Variants in ZNF536 observed in about 807,000 individuals in gnomAD.
ZNF536 encodes zinc finger protein 536.
Under a neutral mutation model 84.5 loss-of-function variants are expected in ZNF536, and 13 were observed. That is an observed-to-expected ratio of 0.15 (90% CI 0.10 to 0.24). The LOEUF (loss-of-function observed/expected upper bound fraction) is 0.24. Among genes scored for constraint, ZNF536 ranks in the 10% least tolerant of loss-of-function variants. The pLI is 1.00. For missense variants in ZNF536, 1,536 were observed against 1,747.5 expected (o/e 0.88, Z 2.16); for synonymous variants, 811 against 742.5 (o/e 1.09, Z -1.50).
chr19:30,675,836 C>T (rs1387758924), intron 1 of ZNF536, among the ~76,000 whole-genome samples: 2 of 152,140 alleles, frequency 1.3e-5, no homozygotes, highest in Non-Finnish European at 2.9e-5. Context: ...AGAGTGAGGT[C>T]TCATGGAAAT....
At chr19:30,287,968 C>A (rs947795748) in intron 2 of ZNF536, among the ~76,000 whole-genome samples, 14 of 152,138 alleles carry the variant, frequency 9.2e-5, no homozygotes, top group African/African-American at 1.9e-4. Flanking sequence ...TTTTTTGAAA[C>A]CTTTATTTTC....
intron 1 of ZNF536, among the ~76,000 whole-genome samples, chr19:30,405,749 T>C (rs2050237067): frequency 6.6e-6 from 1 of 151,956 alleles, no homozygotes; most frequent in Non-Finnish European, 1.5e-5. Flanking sequence ...CTGAAGAATG[T>C]GGAGGCCCTT....
chr19:30,429,726 C>T (rs570974619), intron 1 of ZNF536, among the ~76,000 whole-genome samples: 9 of 152,132 alleles, frequency 5.9e-5, no homozygotes, highest in East Asian at 3.9e-4. Context: ...AGCCAGGCAC[C>T]GTGCCTGGTG....
intron 1 of ZNF536, among the ~76,000 whole-genome samples, chr19:30,698,689 C>G (rs1216615772): frequency 1.3e-5 from 2 of 152,158 alleles, no homozygotes; most frequent in Non-Finnish European, 2.9e-5. Context: ...CCATTCTCAT[C>G]ATATCAAGTC....
intron 2 of ZNF536, among the ~76,000 whole-genome samples, chr19:30,509,944 A>T (rs1164544215): frequency 6.6e-6 from 1 of 152,206 alleles, no homozygotes; most frequent in Non-Finnish European, 1.5e-5. Flanking sequence ...AGGAGCCGAG[A>T]TCTTGTTTTA....
chr19:30,620,035 T>C (rs1307946420), intron 1 of ZNF536, among the ~76,000 whole-genome samples: 1 of 151,842 alleles, frequency 6.6e-6, no homozygotes, highest in Non-Finnish European at 1.5e-5. Context: ...TATGCTTTTT[T>C]TTTTTTTTGT....
In ZNF536 at chr19:30,444,325, G is replaced by C. The variant is rs763600734; in HGVS notation, c.763G>C (p.Val255Leu). The C allele has an allele frequency of 1.9e-6, 3 of 1,590,666 alleles. No homozygotes were observed. The highest frequency in any genetic ancestry group is 1.1e-5 in the South Asian group (1 of 89,864). ...CAGCGTTCCCGACGTGGCCCACCCG[G>C]TGCCCTCGCCCAAGCCTGCCAGCGT... ...NHSVPDVAHP[V>L]PSPKPASVQE... Residue 255 changes from valine (V) to leucine (L), a missense_variant, in exon 2 of 5, where the codon GTG (valine) becomes CTG (leucine). Coordinates refer to ENST00000355537, the MANE Select transcript of ZNF536 (RefSeq NM_014717.3).
intron 1 of ZNF536, among the ~76,000 whole-genome samples, chr19:30,692,831 C>T (rs1037747083): frequency 6.6e-6 from 1 of 152,196 alleles, no homozygotes; most frequent in South Asian, 2.1e-4. Context: ...CCCTTCTGCT[C>T]CCTGTGGCAT....
Position 30,549,175 on chromosome 19 carries a change from G to A in ZNF536, c.3556G>A (p.Glu1186Lys), listed in dbSNP as rs543048949. ...ENNDEEDVET[E>K]PEMMTKPLSA... ...CAACGATGAAGAGGATGTTGAAACC[G>A]AACCGGAAATGATGACCAAGCCACT... Residue 1186 changes from glutamate (E) to lysine (K), a missense_variant, in exon 4 of 5, where the codon GAA (glutamate) becomes AAA (lysine). Glu to Lys is a moderately conservative substitution (Grantham distance 56, BLOSUM62 1). This residue lies in a region of ZNF536 where 624 missense variants were observed against 603.1 expected (regional missense o/e 1.03). Coordinates refer to ENST00000355537, the MANE Select transcript of ZNF536 (RefSeq NM_014717.3). The A allele has an allele frequency of 1.2e-5, 19 of 1,613,946 alleles. No individual in the cohort carries two copies. Among genetic ancestry groups the A allele is most frequent in the Middle Eastern group, 1.6e-4 (1 of 6,062 alleles).
At chr19:30,677,447 C>A (rs1299715624) in intron 1 of ZNF536, among the ~76,000 whole-genome samples, 1 of 152,240 alleles carries the variant, frequency 6.6e-6, no homozygotes, top group Non-Finnish European at 1.5e-5. Context: ...GCCCTGGCCA[C>A]CCTTGGCCAT....
chr19:30,291,460 A>T (rs1170569195), intron 2 of ZNF536, among the ~76,000 whole-genome samples: 1 of 151,810 alleles, frequency 6.6e-6, no homozygotes, highest in Non-Finnish European at 1.5e-5. Flanking sequence ...TTTTTTTCAT[A>T]TGTTTGTTGT....
At chr19:30,522,727 T>C (rs1391691705) in intron 2 of ZNF536, among the ~76,000 whole-genome samples, 1 of 152,180 alleles carries the variant, frequency 6.6e-6, no homozygotes, top group African/African-American at 2.4e-5. Context: ...TTTGGTCCCC[T>C]GTCTTAAATT....
At chr19:30,710,649 G>C (rs1036824349) in intron 1 of ZNF536, 1 of 152,200 alleles carries the variant, frequency 6.6e-6, no homozygotes, top group African/African-American at 2.4e-5. Flanking sequence ...TTTTTGCAAA[G>C]TAATAATAAT....
At chr19:30,514,866 G>A (rs976709931) in intron 2 of ZNF536, among the ~76,000 whole-genome samples, 4 of 152,078 alleles carry the variant, frequency 2.6e-5, no homozygotes, top group Non-Finnish European at 5.9e-5. Context: ...CTTGACTCCA[G>A]TCTGCTCTGT....
At chr19:30,586,510 T>C (rs1030968225) in intron 1 of ZNF536, among the ~76,000 whole-genome samples, 1 of 152,234 alleles carries the variant, frequency 6.6e-6, no homozygotes, top group African/African-American at 2.4e-5. Context: ...CAAAAAGCCA[T>C]GGAGTTTCCT....
chr19:30,246,924 AT>A lies in ZNF536; in HGVS notation c.-190+18252del, dbSNP rs2024312171. ...ACATTTTGGGAGTGAAATTCTCATC[AT>A]GAATGGGTTCCTTGATGTAGAAACT... On this transcript the variant is annotated intron_variant, in intron 1 of 5. Transcript: ENST00000585628. Among the ~76,000 whole-genome samples the A allele has an allele frequency of 2.0e-5, 3 of 152,212 alleles. No individual in the cohort carries two copies. In the South Asian group the frequency reaches 6.2e-4, roughly 32 times the overall value.
chr19:30,515,480 A>G (rs1169048935), intron 2 of ZNF536, among the ~76,000 whole-genome samples: 1 of 152,196 alleles, frequency 6.6e-6, no homozygotes, highest in Admixed American at 6.5e-5. Context: ...AAGCGCCTTC[A>G]GGATAAAAAC....
At chr19:30,509,983 G>T (rs960636810) in intron 2 of ZNF536, among the ~76,000 whole-genome samples, 2 of 152,160 alleles carry the variant, frequency 1.3e-5, no homozygotes, top group African/African-American at 4.8e-5. Context: ...ACAAACAAAT[G>T]ATTTCATTCT....
chr19:30,340,044 C>T (rs967054146), intron 2 of ZNF536, among the ~76,000 whole-genome samples: 1 of 152,124 alleles, frequency 6.6e-6, no homozygotes, highest in African/African-American at 2.4e-5. Context: ...CCGGGCAGGC[C>T]GCCATCCCCT....
Sources: gnomAD v4.1 joint callset for allele counts (sites outside exome capture counted in the v4.1 genomes callset) on GRCh38, gnomAD v4.1.1 for gene constraint, gnomAD v4.1.1 regional missense constraint, MANE v1.5 for transcripts, NCBI Gene and HGNC (gene_info 2026-07-23, HGNC 2026-07-21) for gene names.